Variants in PTPRD observed in about 807,000 individuals in gnomAD.
The protein encoded by PTPRD is receptor-type tyrosine-protein phosphatase delta.
PTPRD carries 34 observed loss-of-function variants against 214.5 expected under a neutral mutation model. The observed-to-expected ratio is 0.16, with a 90% CI of 0.12 to 0.21. PTPRD has a LOEUF of 0.21. Among genes scored for constraint, PTPRD ranks in the 10% least tolerant of loss-of-function variants. PTPRD has a pLI of 1.00. For synonymous variants in PTPRD, 1,128 were observed against 845.7 expected (o/e 1.33, Z -5.79); for missense variants, 2,545 against 2,398.7 (o/e 1.06, Z -1.27).
chr9:9,448,155 G>T (rs1449009865), intron 8 of PTPRD, among the ~76,000 whole-genome samples: 1 of 152,048 alleles, frequency 6.6e-6, no homozygotes, highest in Non-Finnish European at 1.5e-5. Context: ...TAACAATGGA[G>T]GCAGTAAGAA....
In PTPRD at chr9:9,290,430, T is replaced by C. The variant is rs1950788623; in HGVS notation, c.-203+107019A>G. Among the ~76,000 whole-genome samples the C allele has an allele frequency of 4.6e-5, 7 of 151,840 alleles. No individual in the cohort carries two copies. In the South Asian group the frequency reaches 1.0e-3, roughly 22 times the overall value. ...TTGCCTTTTTATGTTGTTAATGTTT[T>C]TCTTTACTATGCAGACATTCTCTAG... On this transcript the variant is annotated intron_variant, in intron 9 of 45. Coordinates refer to ENST00000381196, the MANE Select transcript of PTPRD (RefSeq NM_002839.4).
intron 12 of PTPRD, among the ~76,000 whole-genome samples, chr9:8,695,396 AC>A (rs1250645215): frequency 6.9e-6 from 1 of 144,850 alleles, no homozygotes. Flanking sequence ...CCACCCCCGC[AC>A]CCCCACCCAC....
At chr9:10,596,697 C>A (rs1159460821) in intron 2 of PTPRD, among the ~76,000 whole-genome samples, 1 of 151,326 alleles carries the variant, frequency 6.6e-6, no homozygotes. Flanking sequence ...AAAATTAGAA[C>A]CTAGTAGTAA....
chr9:8,710,481 T>G (rs1255655758), intron 12 of PTPRD, among the ~76,000 whole-genome samples: 1 of 152,042 alleles, frequency 6.6e-6, no homozygotes, highest in East Asian at 1.9e-4. Context: ...CAAGGAATGG[T>G]GGCAGGCGCC....
chr9:9,280,893 G>A (rs1947449160), intron 9 of PTPRD, among the ~76,000 whole-genome samples: 1 of 151,146 alleles, frequency 6.6e-6, no homozygotes, highest in Non-Finnish European at 1.5e-5. Context: ...TAGTTATCAA[G>A]ACAGTGTAGC....
At chr9:9,787,110 C>T (rs1043084912) in intron 5 of PTPRD, among the ~76,000 whole-genome samples, 1 of 151,376 alleles carries the variant, frequency 6.6e-6, no homozygotes, top group Non-Finnish European at 1.5e-5. Flanking sequence ...ACACTCCAGC[C>T]TGGGCGACAG....
At chr9:9,309,472 C>T (rs1035197545) in intron 9 of PTPRD, among the ~76,000 whole-genome samples, 22 of 152,148 alleles carry the variant, frequency 1.4e-4, no homozygotes, top group Non-Finnish European at 5.9e-5. Context: ...CATGTGCCTG[C>T]ATTAAAATAC....
chr9:8,365,144 A>G (rs1013664069), intron 39 of PTPRD, among the ~76,000 whole-genome samples: 11 of 152,100 alleles, frequency 7.2e-5, no homozygotes, highest in Non-Finnish European at 1.2e-4. Flanking sequence ...AATTTAAAAA[A>G]AAAATTAAAA....
At chr9:9,941,592 G>T (rs1263095879) in intron 4 of PTPRD, among the ~76,000 whole-genome samples, 1 of 152,188 alleles carries the variant, frequency 6.6e-6, no homozygotes, top group African/African-American at 2.4e-5. Flanking sequence ...CAAAGTGCTA[G>T]GATTACTGGC....
At chr9:9,877,404 G>A (rs1015645356) in intron 5 of PTPRD, among the ~76,000 whole-genome samples, 5 of 150,894 alleles carry the variant, frequency 3.3e-5, no homozygotes, top group Non-Finnish European at 7.4e-5. Context: ...CCACTCTTTA[G>A]TCCAAGAGGA....
intron 11 of PTPRD, among the ~76,000 whole-genome samples, chr9:8,929,777 ATGGGTGTG>A (rs1567061628): frequency 1.0e-4 from 9 of 89,486 alleles, no homozygotes; most frequent in African/African-American, 2.9e-4. Context: ...GTGTATATAT[ATGGGTGTG>A]TATATATGTG....
chr9:10,318,691 C>T (rs943184180), intron 3 of PTPRD, among the ~76,000 whole-genome samples: 3 of 152,064 alleles, frequency 2.0e-5, no homozygotes, highest in Non-Finnish European at 4.4e-5. Flanking sequence ...TGGCTCACTG[C>T]ATCCTCTGCC....
intron 3 of PTPRD, among the ~76,000 whole-genome samples, chr9:10,240,340 C>T (rs574915496): frequency 6.6e-6 from 1 of 151,784 alleles, no homozygotes; most frequent in Non-Finnish European, 1.5e-5. Flanking sequence ...GGGGTTTCAG[C>T]CATGACCCTT....
At chr9:8,901,987 A>C (rs969853848) in intron 11 of PTPRD, among the ~76,000 whole-genome samples, 1 of 152,210 alleles carries the variant, frequency 6.6e-6, no homozygotes, top group African/African-American at 2.4e-5. Flanking sequence ...TCTTACTTGA[A>C]AAATAAGGGA....
chr9:9,693,566 A>T (rs961882397), intron 7 of PTPRD, among the ~76,000 whole-genome samples: 5 of 152,152 alleles, frequency 3.3e-5, no homozygotes, highest in Admixed American at 2.6e-4. Flanking sequence ...TCTAAGAGGT[A>T]GTCTTATTTA....
intron 9 of PTPRD, among the ~76,000 whole-genome samples, chr9:9,278,619 C>T (rs549069296): frequency 4.6e-5 from 7 of 151,252 alleles, no homozygotes; most frequent in Non-Finnish European, 7.4e-5. Flanking sequence ...GATACTTGTA[C>T]AGACAGAGGG....
At chr9:8,965,253 C>A (rs1279806725) in intron 11 of PTPRD, among the ~76,000 whole-genome samples, 1 of 151,942 alleles carries the variant, frequency 6.6e-6, no homozygotes, top group African/African-American at 2.4e-5. Flanking sequence ...TGTGGTGGCA[C>A]ATGCCTATCT....
intron 35 of PTPRD, among the ~76,000 whole-genome samples, chr9:8,432,236 T>A (rs2095104458): frequency 6.6e-6 from 1 of 152,232 alleles, no homozygotes; most frequent in African/African-American, 2.4e-5. Flanking sequence ...TGAGACTACT[T>A]AAATTCCAGC....
At chr9:9,106,514 G>T (rs1358435556) in intron 10 of PTPRD, among the ~76,000 whole-genome samples, 1 of 145,964 alleles carries the variant, frequency 6.9e-6, no homozygotes, top group Admixed American at 7.1e-5. Context: ...TCCGACTTTA[G>T]AGGTCACATA....
Sources: gnomAD v4.1 joint callset for allele counts (sites outside exome capture counted in the v4.1 genomes callset) on GRCh38, gnomAD v4.1.1 for gene constraint, MANE v1.5 for transcripts, NCBI Gene and HGNC (gene_info 2026-07-23, HGNC 2026-07-21) for gene names.